ARHGAP26: variants seen among roughly 807,000 people sequenced by gnomAD.
ARHGAP26 encodes rho GTPase-activating protein 26.
ARHGAP26 carries 38 observed loss-of-function variants against 104.8 expected under a neutral mutation model. The ratio of observed to expected loss-of-function variants is 0.36; its 90% CI spans 0.28 to 0.48. The LOEUF (loss-of-function observed/expected upper bound fraction) is 0.48, where lower values mean the gene tolerates loss of function less well. Among genes scored for constraint, ARHGAP26 ranks in the 20% least tolerant of loss-of-function variants. The probability of loss-of-function intolerance (pLI) is 0.99; values close to 1 mark genes in which losing one functional copy is unlikely to be tolerated. For synonymous variants in ARHGAP26, 341 were observed against 340.0 expected (o/e 1.00, Z -0.03); for missense variants, 704 against 947.9 (o/e 0.74, Z 3.38).
At position 142,771,376 on chromosome 5, in the gene ARHGAP26, G is replaced by A. The variant is rs909705567; in HGVS notation, c.154+461G>A. On this transcript the variant is annotated intron_variant, in intron 1 of 22. Transcript: ENST00000645722. ...GGGCGCTGCCTCCCCTTGGGAAAAG[G>A]TGGGTTGTGACTGCTTCGCTCCCTG... 3 of 1,232,112 alleles carry A rather than the reference G, an allele frequency of 2.4e-6. No individual in the cohort carries two copies. The African/African-American group carries it at 4.7e-5, about 19-fold the overall frequency. 76.3% of individuals were successfully genotyped at this position (1,232,112 alleles called of 1,614,324 possible). A position where few individuals can be genotyped will look rare whatever the true frequency, so the allele number is the denominator to read the frequency against.
At chr5:142,823,594 C>A (rs993310850) in intron 1 of ARHGAP26, among the ~76,000 whole-genome samples, 21 of 152,038 alleles carry the variant, frequency 1.4e-4, no homozygotes, top group African/African-American at 5.1e-4. Context: ...AAGCACTGAT[C>A]ATAAGCAAGT....
chr5:142,943,042 A>G (rs916468333), intron 11 of ARHGAP26, among the ~76,000 whole-genome samples: 1 of 152,204 alleles, frequency 6.6e-6, no homozygotes, highest in Non-Finnish European at 1.5e-5. Flanking sequence ...TGGCCTCCCA[A>G]AGTTCTGGGA....
At chr5:142,944,655 T>C (rs1227830955) in intron 11 of ARHGAP26, among the ~76,000 whole-genome samples, 3 of 152,230 alleles carry the variant, frequency 2.0e-5, no homozygotes, top group Non-Finnish European at 1.5e-5. Flanking sequence ...TTGACAATCT[T>C]TTCTCATGTT....
At chr5:143,119,810 A>C (rs771690322) in intron 17 of ARHGAP26, among the ~76,000 whole-genome samples, 2 of 152,164 alleles carry the variant, frequency 1.3e-5, no homozygotes, top group Non-Finnish European at 2.9e-5. Context: ...CACATCTGCT[A>C]ATAAAATTGG....
chr5:143,089,656 G>A (rs1386750097), intron 17 of ARHGAP26, among the ~76,000 whole-genome samples: 1 of 152,156 alleles, frequency 6.6e-6, no homozygotes, highest in Non-Finnish European at 1.5e-5. Context: ...AACATCTCTA[G>A]TGTAGTTAGT....
At chr5:142,889,165 C>T (rs1288367126) in intron 5 of ARHGAP26, among the ~76,000 whole-genome samples, 2 of 152,182 alleles carry the variant, frequency 1.3e-5, no homozygotes, top group Non-Finnish European at 2.9e-5. Flanking sequence ...ATGGGACATG[C>T]CTTTGGTGCT....
chr5:143,132,851 G>T (rs1173273667), intron 18 of ARHGAP26, among the ~76,000 whole-genome samples: 1 of 138,694 alleles, frequency 7.2e-6, no homozygotes, highest in Admixed American at 6.9e-5. Context: ...ATTTAAAAAG[G>T]AATCTGGGGT....
rs149236241 is a variant in ARHGAP26, at chr5:143,218,508, A to G, written c.2192-3850A>G. On this transcript the variant is annotated intron_variant, in intron 22 of 22. Coordinates refer to ENST00000645722, the MANE Select transcript of ARHGAP26 (RefSeq NM_001135608.3). ...AGACTTCTTTTGGGGACAGTCAGCCATTAGAGACCTTAGTCACACACTTGC... is the reference window on the plus strand; with the variant it reads ...AGACTTCTTTTGGGGACAGTCAGCCGTTAGAGACCTTAGTCACACACTTGC... 3.7e-3 allele frequency among the ~76,000 whole-genome samples: 561 copies of G among 152,324 alleles called. 2 individuals carry two copies. Among genetic ancestry groups the G allele is most frequent in the African/African-American group, 0.013 (533 of 41,564 alleles).
chr5:142,824,023 G>A (rs1405461760), intron 1 of ARHGAP26, among the ~76,000 whole-genome samples: 1 of 152,158 alleles, frequency 6.6e-6, no homozygotes, highest in Non-Finnish European at 1.5e-5. Flanking sequence ...ACTTATTTTT[G>A]TGTGTTCCAG....
intron 11 of ARHGAP26, among the ~76,000 whole-genome samples, chr5:142,967,145 C>G (rs1001835122): frequency 1.3e-5 from 2 of 151,954 alleles, no homozygotes; most frequent in Non-Finnish European, 2.9e-5. Flanking sequence ...TCTTAATGTT[C>G]TTTTAGTGCT....
chr5:143,072,851 T>C (rs1788471877), intron 17 of ARHGAP26, among the ~76,000 whole-genome samples: 1 of 152,120 alleles, frequency 6.6e-6, no homozygotes, highest in Non-Finnish European at 1.5e-5. Context: ...GTCTAGTATT[T>C]TATACTACTC....
chr5:143,038,714 TG>T (rs1280290221), intron 13 of ARHGAP26, among the ~76,000 whole-genome samples: 1 of 72,428 alleles, frequency 1.4e-5, no homozygotes, highest in East Asian at 3.2e-4. Context: ...TTTTTTTTTT[TG>T]AGACAGAGTC....
At chr5:143,004,256 G>A (rs1263819372) in intron 11 of ARHGAP26, among the ~76,000 whole-genome samples, 3 of 152,124 alleles carry the variant, frequency 2.0e-5, no homozygotes, top group Admixed American at 2.0e-4. Context: ...GTTACAGTTA[G>A]TCCACAAGGA....
chr5:142,845,601 G>A (rs969592360), intron 1 of ARHGAP26, among the ~76,000 whole-genome samples: 1 of 152,168 alleles, frequency 6.6e-6, no homozygotes, highest in Non-Finnish European at 1.5e-5. Flanking sequence ...CTGCAGACCC[G>A]TGTATTTTTA....
intron 12 of ARHGAP26, among the ~76,000 whole-genome samples, chr5:143,036,347 A>G (rs1782643084): frequency 6.6e-6 from 1 of 152,200 alleles, no homozygotes; most frequent in African/African-American, 2.4e-5. Flanking sequence ...TTGTCAGGTT[A>G]GAAGTTTCCA....
intron 11 of ARHGAP26, among the ~76,000 whole-genome samples, chr5:142,943,903 G>A (rs1000558925): frequency 1.6e-4 from 25 of 151,990 alleles, no homozygotes; most frequent in African/African-American, 6.0e-4. Context: ...TGGGGAATAG[G>A]ATTAGTTGTG....
intron 17 of ARHGAP26, among the ~76,000 whole-genome samples, chr5:143,085,612 G>A (rs1790485691): frequency 6.6e-6 from 1 of 152,212 alleles, no homozygotes; most frequent in South Asian, 2.1e-4. Flanking sequence ...AGGCAACACT[G>A]AAAGTCAGAG....
At chr5:143,090,571 T>C (rs1348570927) in intron 17 of ARHGAP26, among the ~76,000 whole-genome samples, 2 of 152,164 alleles carry the variant, frequency 1.3e-5, no homozygotes, top group Admixed American at 6.5e-5. Context: ...AATAATCTAA[T>C]AGGGTCTGTC....
In ARHGAP26 at chr5:143,083,075, A is replaced by G. The variant is rs79443686; in HGVS notation, c.1538+25328A>G. Among the ~76,000 whole-genome samples the G allele has an allele frequency of 3.5e-3, 539 of 152,326 alleles. 23 individuals carry two copies. In the East Asian group the frequency reaches 0.074, roughly 21 times the overall value. ...CAGCCGAGTATAATACAGCAGTCGA[A>G]GGCAGTCTCTATGTATCTTGGGGAA... On this transcript the variant is annotated intron_variant, in intron 17 of 22. Coordinates refer to ENST00000645722, the MANE Select transcript of ARHGAP26 (RefSeq NM_001135608.3).
Sources: allele counts gnomAD v4.1 joint callset (sites outside exome capture counted in the v4.1 genomes callset), GRCh38; gene constraint gnomAD v4.1.1; transcripts MANE v1.5; gene names NCBI Gene and HGNC (gene_info 2026-07-23, HGNC 2026-07-21).